DPP10: variants seen among roughly 807,000 people sequenced by gnomAD.
DPP10 encodes the protein inactive dipeptidyl peptidase 10.
In DPP10, 33 loss-of-function variants were observed where a neutral mutation model predicts 120.9. That is an observed-to-expected ratio of 0.27 (90% CI 0.21 to 0.37). The LOEUF (loss-of-function observed/expected upper bound fraction) is 0.37, where lower values mean the gene tolerates loss of function less well. Among genes scored for constraint, DPP10 ranks in the 10% least tolerant of loss-of-function variants. The probability of loss-of-function intolerance (pLI) is 1.00; values close to 1 mark genes in which losing one functional copy is unlikely to be tolerated. For synonymous variants in DPP10, 337 were observed against 326.1 expected (o/e 1.03, Z -0.36); for missense variants, 816 against 942.8 (o/e 0.87, Z 1.76).
intron 2 of DPP10, among the ~76,000 whole-genome samples, chr2:115,325,642 ATGTG>A (rs2062315422): frequency 6.6e-6 from 1 of 152,280 alleles, no homozygotes; most frequent in East Asian, 1.9e-4. Context: ...TTCAAATAAA[ATGTG>A]TATTAATTTA....
chr2:115,219,716 G>A (rs1335650629), intron 1 of DPP10, among the ~76,000 whole-genome samples: 1 of 152,106 alleles, frequency 6.6e-6, no homozygotes, highest in Non-Finnish European at 1.5e-5. Flanking sequence ...GTTAAATATT[G>A]TTAGTCACAC....
At chr2:115,135,650 T>G (rs1386627124) in intron 1 of DPP10, among the ~76,000 whole-genome samples, 1 of 152,194 alleles carries the variant, frequency 6.6e-6, no homozygotes, top group Non-Finnish European at 1.5e-5. Context: ...CTGGAGAGGT[T>G]GAACTGAACA....
chr2:115,498,397 C>T (rs896316019), intron 3 of DPP10, among the ~76,000 whole-genome samples: 8 of 151,960 alleles, frequency 5.3e-5, no homozygotes, highest in East Asian at 1.9e-4. Flanking sequence ...GACACCTTTT[C>T]GTGTGTTTTT....
At chr2:115,607,452 G>A (rs1007110783) in intron 5 of DPP10, among the ~76,000 whole-genome samples, 1 of 152,118 alleles carries the variant, frequency 6.6e-6, no homozygotes, top group Non-Finnish European at 1.5e-5. Context: ...AAATACATGA[G>A]CGTTTTAGTT....
chr2:115,037,483 C>T lies in DPP10; in HGVS notation c.61-271756C>T, dbSNP rs149436123. Among the ~76,000 whole-genome samples the T allele has an allele frequency of 1.6e-3, 236 of 152,200 alleles. 1 individual carries two copies. The highest frequency in any genetic ancestry group is 5.4e-3 in the African/African-American group (223 of 41,510). ...TGCAGCCATTAAGTTCCAGGGCCTCCGGCAGGCAAAAGAAACTAAAGGCCA... is the reference window on the plus strand; with the variant it reads ...TGCAGCCATTAAGTTCCAGGGCCTCTGGCAGGCAAAAGAAACTAAAGGCCA... On this transcript the variant is annotated intron_variant, in intron 1 of 25. Transcript: ENST00000410059.
intron 1 of DPP10, among the ~76,000 whole-genome samples, chr2:115,099,829 G>A (rs139830733): frequency 1.3e-5 from 2 of 152,282 alleles, no homozygotes; most frequent in Admixed American, 6.5e-5. Context: ...GGCAGCTTCT[G>A]AGTGTTGTAG....
At chr2:115,222,925 A>G (rs965672294) in intron 1 of DPP10, among the ~76,000 whole-genome samples, 1 of 152,118 alleles carries the variant, frequency 6.6e-6, no homozygotes, top group African/African-American at 2.4e-5. Flanking sequence ...TGAGTAGCAT[A>G]CCGAAAGAAC....
At chr2:115,650,505 CTA>C (rs1183247353) in intron 5 of DPP10, among the ~76,000 whole-genome samples, 2 of 151,884 alleles carry the variant, frequency 1.3e-5, no homozygotes, top group Non-Finnish European at 2.9e-5. Context: ...TATTATGACT[CTA>C]GTTTCTTCTC....
At chr2:114,725,019 T>C (rs796153011) in intron 1 of DPP10, among the ~76,000 whole-genome samples, 12 of 152,272 alleles carry the variant, frequency 7.9e-5, no homozygotes, top group African/African-American at 2.9e-4. Flanking sequence ...TCTATTTTGG[T>C]TTCTCAGATC....
chr2:115,368,345 T>C (rs1254942503), intron 3 of DPP10, among the ~76,000 whole-genome samples: 1 of 152,094 alleles, frequency 6.6e-6, no homozygotes, highest in East Asian at 1.9e-4. Context: ...GAGCACAGGA[T>C]AGAAACCATG....
chr2:115,005,263 G>A (rs1252090947), intron 1 of DPP10, among the ~76,000 whole-genome samples: 1 of 152,120 alleles, frequency 6.6e-6, no homozygotes, highest in Non-Finnish European at 1.5e-5. Context: ...CACAAAGATG[G>A]GGAAAAAACC....
rs532545035 is a variant in DPP10, at chr2:115,270,397, TAGAA to T, written c.61-38838_61-38835del. Among the ~76,000 whole-genome samples the T allele has an allele frequency of 1.8e-3, 273 of 152,002 alleles. 2 individuals carry two copies. The highest frequency in any genetic ancestry group is 2.9e-3 in the Non-Finnish European group (197 of 67,998). On this transcript the variant is annotated intron_variant, in intron 1 of 25. Transcript: ENST00000410059. ...GCTGAACCATCAGATCAGGAGCAGA[TAGAA>T]AGAGGACCTGTGGGGCCATGCCTTT...
intron 1 of DPP10, among the ~76,000 whole-genome samples, chr2:114,625,392 A>G (rs2105348980): frequency 6.6e-6 from 1 of 152,072 alleles, no homozygotes; most frequent in Admixed American, 6.6e-5. Context: ...TTTGCTGTGT[A>G]TGTTTATCAG....
rs566348487 is a variant in DPP10 at position 115,434,677 on chromosome 2, G to A, written c.272-64833G>A. 1.6e-4 allele frequency among the ~76,000 whole-genome samples: 25 copies of A among 151,770 alleles called. No individual in the cohort carries two copies. In the East Asian group the frequency reaches 4.8e-3, roughly 29 times the overall value. ...CACCTCAAGCTTGTATCTTTTCTTG[G>A]TGTTGGGAACGTTTCAGTTCTTCTC... On this transcript the variant is annotated intron_variant, in intron 3 of 25. Transcript: ENST00000410059.
At chr2:114,694,461 T>C (rs904464248) in intron 1 of DPP10, among the ~76,000 whole-genome samples, 2 of 151,968 alleles carry the variant, frequency 1.3e-5, no homozygotes, top group African/African-American at 2.4e-5. Flanking sequence ...TGAACTCAGA[T>C]ACCAATTCTC....
chr2:115,552,630 G>C (rs187780885), intron 5 of DPP10, among the ~76,000 whole-genome samples: 39 of 152,026 alleles, frequency 2.6e-4, no homozygotes, highest in African/African-American at 8.4e-4. Flanking sequence ...GATAAAACAG[G>C]GGCAAATTTT....
chr2:115,473,806 T>A (rs2074892116), intron 3 of DPP10, among the ~76,000 whole-genome samples: 1 of 152,224 alleles, frequency 6.6e-6, no homozygotes. Flanking sequence ...TTTTTATTCC[T>A]GTGATACAGA....
At chr2:115,120,812 T>C (rs1182805273) in intron 1 of DPP10, among the ~76,000 whole-genome samples, 2 of 152,234 alleles carry the variant, frequency 1.3e-5, no homozygotes, top group African/African-American at 4.8e-5. Flanking sequence ...AGGACAAGAA[T>C]GTACCATGCA....
At chr2:115,283,779 G>A (rs1373415061) in intron 1 of DPP10, among the ~76,000 whole-genome samples, 3 of 152,020 alleles carry the variant, frequency 2.0e-5, no homozygotes, top group African/African-American at 7.2e-5. Flanking sequence ...TATGACAGTG[G>A]TTCAATGAGA....
Sources: gnomAD v4.1 joint callset for allele counts (sites outside exome capture counted in the v4.1 genomes callset) on GRCh38, gnomAD v4.1.1 for gene constraint, MANE v1.5 for transcripts, NCBI Gene and HGNC (gene_info 2026-07-23, HGNC 2026-07-21) for gene names.